LARGE1: variants seen among roughly 807,000 people sequenced by gnomAD.
LARGE1 encodes xylosyl- and glucuronyltransferase LARGE1.
A neutral mutation model predicts 87.6 loss-of-function variants in LARGE1; 43 were observed. The observed-to-expected ratio is 0.49, with a 90% confidence interval of 0.38 to 0.63. The LOEUF is 0.63. LARGE1 is among the 30% of genes least tolerant of loss of function. The probability of loss-of-function intolerance (pLI) is 0.00; values close to 1 mark genes in which losing one functional copy is unlikely to be tolerated. For missense variants in LARGE1, 802 were observed against 1,000.2 expected (o/e 0.80, Z 2.67); for synonymous variants, 434 against 394.6 (o/e 1.10, Z -1.18).
At chr22:33,312,494 G>A (rs1238719240) in intron 11 of LARGE1, among the ~76,000 whole-genome samples, 1 of 151,596 alleles carries the variant, frequency 6.6e-6, no homozygotes, top group Non-Finnish European at 1.5e-5. Context: ...AAGTGACAGG[G>A]CAACAAAGAA....
intron 4 of LARGE1, among the ~76,000 whole-genome samples, chr22:33,608,824 C>T (rs149458953): frequency 2.0e-4 from 31 of 152,258 alleles, no homozygotes; most frequent in African/African-American, 7.5e-4. Context: ...CACTTCATCT[C>T]TCAAGGCCTA....
chr22:33,593,871 C>T (rs1449676224), intron 5 of LARGE1, among the ~76,000 whole-genome samples: 1 of 152,162 alleles, frequency 6.6e-6, no homozygotes, highest in Admixed American at 6.5e-5. Context: ...AGATGAGTTG[C>T]TGTTTTATTT....
At chr22:33,269,897 C>T (rs948775532), downstream of LARGE1, among the ~76,000 whole-genome samples, 4 of 150,716 alleles carry the variant, frequency 2.7e-5, no homozygotes, top group Admixed American at 1.3e-4. Context: ...CCCAGCTACT[C>T]GGGAGGCTGA....
intron 9 of LARGE1, among the ~76,000 whole-genome samples, chr22:33,361,133 C>G (rs1325777464): frequency 2.7e-5 from 4 of 149,004 alleles, no homozygotes; most frequent in Non-Finnish European, 6.0e-5. Flanking sequence ...TTGCTTGAAC[C>G]TGAGAGGTGG....
At chr22:33,261,263 G>A (rs1202206571) in intron 11 of LARGE1, among the ~76,000 whole-genome samples, 1 of 152,174 alleles carries the variant, frequency 6.6e-6, no homozygotes, top group Admixed American at 6.5e-5. Context: ...CAGTGCTGTA[G>A]CTGACATTCT....
intron 6 of LARGE1, among the ~76,000 whole-genome samples, chr22:33,464,808 G>T (rs1483363445): frequency 6.6e-6 from 1 of 151,986 alleles, no homozygotes; most frequent in Non-Finnish European, 1.5e-5. Flanking sequence ...CACTAATAAA[G>T]TTGACTGTGT....
intron 1 of LARGE1, among the ~76,000 whole-genome samples, chr22:33,816,674 G>GGATAGACA (rs2086658202): frequency 7.1e-6 from 1 of 141,328 alleles, no homozygotes; most frequent in Non-Finnish European, 1.5e-5. Context: ...ACGGATGGAT[G>GGATAGACA]GATAGATAGA....
intron 2 of LARGE1, among the ~76,000 whole-genome samples, chr22:33,716,231 T>C (rs1465073323): frequency 6.6e-6 from 1 of 152,144 alleles, no homozygotes; most frequent in Non-Finnish European, 1.5e-5. Context: ...GATAATAAAT[T>C]TTTTGCATAA....
intron 6 of LARGE1, among the ~76,000 whole-genome samples, chr22:33,561,466 T>C (rs1220784066): frequency 6.6e-6 from 1 of 152,156 alleles, no homozygotes; most frequent in African/African-American, 2.4e-5. Flanking sequence ...ATACCAGAAG[T>C]ATCTCGTGAG....
intron 5 of LARGE1, among the ~76,000 whole-genome samples, chr22:33,591,972 G>A (rs1341956780): frequency 4.6e-5 from 7 of 150,584 alleles, no homozygotes; most frequent in African/African-American, 1.7e-4. Context: ...GCTGCAGTGA[G>A]CTATGATTCT....
At chr22:33,264,873 G>C (rs939714734) in intron 11 of LARGE1, among the ~76,000 whole-genome samples, 5 of 141,224 alleles carry the variant, frequency 3.5e-5, no homozygotes, top group Non-Finnish European at 7.6e-5. Flanking sequence ...TCTCCCCTTT[G>C]ACATCTGATC....
At chr22:33,863,128 C>T (rs1456209528) in intron 1 of LARGE1, among the ~76,000 whole-genome samples, 5 of 152,108 alleles carry the variant, frequency 3.3e-5, no homozygotes, top group Non-Finnish European at 5.9e-5. Flanking sequence ...CACAGGAACA[C>T]GGGAGCCGAC....
chr22:33,498,570 C>T lies in LARGE1; in HGVS notation c.787+66278G>A, dbSNP rs567714793. 9.2e-5 allele frequency among the ~76,000 whole-genome samples: 14 copies of T among 152,296 alleles called. No individual in the cohort carries two copies. In the South Asian group the frequency reaches 2.9e-3, roughly 32 times the overall value. ...ACACCTAAGGGTTGGCATATCTTTC[C>T]CTTTCAGAGCTGATTTAATTTTCAG... is the stretch of plus-strand genomic sequence containing the variant. On this transcript the variant is annotated intron_variant, in intron 6 of 14. Transcript: ENST00000397394.
intron 1 of LARGE1, among the ~76,000 whole-genome samples, chr22:33,869,224 G>A (rs2064202147): frequency 1.3e-5 from 2 of 151,982 alleles, no homozygotes; most frequent in African/African-American, 4.8e-5. Flanking sequence ...CTGTCGGTTG[G>A]CTACTCCCTG....
intron 1 of LARGE1, among the ~76,000 whole-genome samples, chr22:33,829,198 G>A (rs553294432): frequency 3.3e-5 from 5 of 151,626 alleles, no homozygotes; most frequent in African/African-American, 9.7e-5. Flanking sequence ...TAATAGAGAC[G>A]GGGTTTCGCC....
intron 7 of LARGE1, among the ~76,000 whole-genome samples, chr22:33,427,718 G>C (rs1365988016): frequency 1.3e-5 from 2 of 152,240 alleles, no homozygotes; most frequent in Non-Finnish European, 2.9e-5. Context: ...CAACCAACTT[G>C]CTAAAGTACT....
chr22:33,226,565 A>G (rs749085482), intron 11 of LARGE1, among the ~76,000 whole-genome samples: 1 of 152,204 alleles, frequency 6.6e-6, no homozygotes. Context: ...TACCCAGACA[A>G]GAATCCTCCT....
intron 4 of LARGE1, 22 bp from the exon 5 acceptor site, chr22:33,604,580 A>C (rs775454502): frequency 4.3e-6 from 7 of 1,613,956 alleles, no homozygotes; most frequent in Non-Finnish European, 5.9e-6. Flanking sequence ...GTGAGAAGGA[A>C]GGGTCAGGTG....
intron 6 of LARGE1, among the ~76,000 whole-genome samples, chr22:33,448,574 C>A (rs184691893): frequency 2.0e-5 from 3 of 152,284 alleles, no homozygotes; most frequent in Admixed American, 1.3e-4. Context: ...CTTGTCCCCT[C>A]TGGGCCAATG....
Sources: gnomAD v4.1 joint callset for allele counts (sites outside exome capture counted in the v4.1 genomes callset) on GRCh38, gnomAD v4.1.1 for gene constraint, MANE v1.5 for transcripts, NCBI Gene and HGNC (gene_info 2026-07-23, HGNC 2026-07-21) for gene names.